NOL10: variants seen among roughly 807,000 people sequenced by gnomAD.
NOL10 encodes H_NH0074G24.1.
NOL10 carries 58 observed loss-of-function variants against 103.5 expected under a neutral mutation model. The ratio of observed to expected loss-of-function variants is 0.56; its 90% CI spans 0.45 to 0.70. The LOEUF is 0.70. Among genes scored for constraint, NOL10 ranks in the 30% least tolerant of loss-of-function variants. The pLI is 0.00. For synonymous variants in NOL10, 287 were observed against 282.5 expected, an observed-to-expected ratio of 1.02 and a Z score of -0.16; for missense variants, 763 against 807.3, an observed-to-expected ratio of 0.95 and a Z score of 0.67.
chr2:10,671,565 A>G lies in NOL10; in HGVS notation c.453T>C (p.Phe151=), dbSNP rs756911907. 1.2e-6 allele frequency: 2 copies of G among 1,605,496 alleles called. No individual in the cohort carries two copies. The highest frequency in any genetic ancestry group is 2.7e-5 in the African/African-American group (2 of 74,806). ...ACTGGATCCAATACCTTGCACCAACAAAGTACAAGTCACAGGATGGATAGT... is the reference window on the plus strand; with the variant it reads ...ACTGGATCCAATACCTTGCACCAACGAAGTACAAGTCACAGGATGGATAGT... ...SYHYPSCDLY[F]VGASSEVYRL... Residue 151 remains phenylalanine, a synonymous_variant, in exon 6 of 21, where the codon TTT becomes TTC. Coordinates refer to ENST00000381685, the MANE Select transcript of NOL10 (RefSeq NM_024894.4).
intron 13 of NOL10, among the ~76,000 whole-genome samples, chr2:10,636,766 C>T (rs1393377274): frequency 6.6e-6 from 1 of 152,034 alleles, no homozygotes; most frequent in Non-Finnish European, 1.5e-5. Flanking sequence ...GATCACATAG[C>T]GATGATTAAA....
rs1682124230 is a variant in NOL10 at position 10,685,508 on chromosome 2, GC to G, written c.67-897del. ...CTCCGTCCCCCCCCCCCCCCCCCCC[GC>G]CAAAAAAAAAGAAAAAAACAGGCTT... On this transcript the variant is annotated intron_variant, in intron 1 of 20. Transcript: ENST00000381685. Among the ~76,000 whole-genome samples, 7 of 3,924 alleles carry G rather than the reference GC, an allele frequency of 1.8e-3. No homozygotes were observed. In the South Asian group the frequency reaches 0.035, roughly 20 times the overall value. The allele number at this position is 3,924 out of a possible 152,430, so 2.6% of individuals were successfully genotyped here.
chr2:10,651,544 CTT>C (rs1679457349), intron 12 of NOL10, among the ~76,000 whole-genome samples: 1 of 151,950 alleles, frequency 6.6e-6, no homozygotes, highest in Non-Finnish European at 1.5e-5. Context: ...CGTAGAATGT[CTT>C]TTAAATCCAA....
rs1300048019 is a variant in NOL10, at chr2:10,571,620, C to G, written c.*451G>C. 1 of 153,478 alleles carries G rather than the reference C, an allele frequency of 6.5e-6. No individual in the cohort carries two copies. The highest frequency in any genetic ancestry group is 1.4e-5 in the Non-Finnish European group (1 of 69,002). 9.5% of individuals were successfully genotyped at this position (153,478 alleles called of 1,614,324 possible). On this transcript the variant is annotated 3_prime_UTR_variant, in exon 21 of 21. Coordinates refer to ENST00000381685, the MANE Select transcript of NOL10 (RefSeq NM_024894.4). ...ATCAGCATAAACTTATAAACACAAA[C>G]ACAGGCAATACACAGACACCAGGTA...
At chr2:10,583,034 T>C (rs2148149524) in intron 19 of NOL10, among the ~76,000 whole-genome samples, 2 of 152,334 alleles carry the variant, frequency 1.3e-5, no homozygotes, top group South Asian at 4.1e-4. Context: ...TACTGGCCTT[T>C]TCCCAGCCTT....
At chr2:10,611,646 T>G (rs950714988) in intron 13 of NOL10, among the ~76,000 whole-genome samples, 1 of 152,002 alleles carries the variant, frequency 6.6e-6, no homozygotes, top group Non-Finnish European at 1.5e-5. Flanking sequence ...CCAGGCACAG[T>G]GGCTCACACC....
rs927457783 is a variant in NOL10 at position 10,587,521 on chromosome 2, T to A, written c.1844+1522A>T. On this transcript the variant is annotated intron_variant, in intron 19 of 20. Transcript: ENST00000381685. ...CCTGACCTCATGATCTGCCCCCCCC[T>A]TGGCCTCCCAAAGTGCTAGGATTAC... is the stretch of plus-strand genomic sequence containing the variant. Among the ~76,000 whole-genome samples the A allele has an allele frequency of 4.6e-5, 7 of 151,132 alleles. No homozygotes were observed. In the East Asian group the frequency reaches 1.4e-3, roughly 29 times the overall value.
intron 11 of NOL10, 46 bp from the exon 12 acceptor site, chr2:10,654,593 C>T: frequency 1.6e-6 from 2 of 1,256,186 alleles, no homozygotes; most frequent in Non-Finnish European, 2.3e-6. Context: ...TAAAGAACAA[C>T]AACTTTGGCA....
intron 3 of NOL10, among the ~76,000 whole-genome samples, chr2:10,681,356 A>T (rs898526293): frequency 6.6e-6 from 1 of 152,210 alleles, no homozygotes; most frequent in African/African-American, 2.4e-5. Flanking sequence ...ACATGAAATA[A>T]GTCTCACAGA....
chr2:10,643,073 T>C lies in NOL10; in HGVS notation c.1026+1247A>G, dbSNP rs145576800. Reference sequence around the variant, plus strand: ...AAAGATGGATAAGTTGACAGGAATATGAATGCAGTATCTGCAAGAGTCCAG... The same window carrying C: ...AAAGATGGATAAGTTGACAGGAATACGAATGCAGTATCTGCAAGAGTCCAG... On this transcript the variant is annotated intron_variant, in intron 13 of 20. Transcript: ENST00000381685. Among the ~76,000 whole-genome samples, 20 of 152,332 alleles carry C rather than the reference T, an allele frequency of 1.3e-4. No individual in the cohort carries two copies. The East Asian group carries it at 2.7e-3, about 21-fold the overall frequency.
chr2:10,593,386 C>T (rs1344525409), intron 17 of NOL10, among the ~76,000 whole-genome samples: 2 of 152,092 alleles, frequency 1.3e-5, no homozygotes, highest in African/African-American at 4.8e-5. Context: ...ATTCGCCTGC[C>T]TCGGCCTTCC....
chr2:10,656,170 T>C (rs1484063504), intron 11 of NOL10, among the ~76,000 whole-genome samples: 1 of 152,208 alleles, frequency 6.6e-6, no homozygotes, highest in East Asian at 1.9e-4. Flanking sequence ...TACCAGTGTT[T>C]TATGAATTTT....
At chr2:10,613,478 C>T (rs1572290207) in intron 13 of NOL10, among the ~76,000 whole-genome samples, 2 of 152,204 alleles carry the variant, frequency 1.3e-5, no homozygotes, top group Non-Finnish European at 2.9e-5. Flanking sequence ...GATAGCTTTG[C>T]AAGGGGCACT....
intron 8 of NOL10, 46 bp from the exon 9 acceptor site, chr2:10,663,090 G>T (rs775412259): frequency 9.3e-6 from 14 of 1,508,480 alleles, no homozygotes; most frequent in Non-Finnish European, 1.3e-5. Flanking sequence ...TAGAAGGCGG[G>T]GCATGGTGGC....
At chr2:10,658,308 G>A (rs1384331823) in intron 10 of NOL10, among the ~76,000 whole-genome samples, 1 of 152,220 alleles carries the variant, frequency 6.6e-6, no homozygotes, top group East Asian at 1.9e-4. Context: ...CTTCTTGGGA[G>A]AAGGGAGAAT....
At chr2:10,630,563 T>A (rs533350892) in intron 13 of NOL10, among the ~76,000 whole-genome samples, 2 of 152,064 alleles carry the variant, frequency 1.3e-5, no homozygotes, top group Non-Finnish European at 2.9e-5. Flanking sequence ...ATACAAAAAA[T>A]TAGTCGGGCA....
At chr2:10,593,891 C>A (rs1256559194) in intron 17 of NOL10, among the ~76,000 whole-genome samples, 2 of 152,150 alleles carry the variant, frequency 1.3e-5, no homozygotes, top group African/African-American at 2.4e-5. Context: ...AGCAGGAGGA[C>A]CTGACCAGCC....
At chr2:10,675,228 G>A (rs932018115) in intron 4 of NOL10, among the ~76,000 whole-genome samples, 2 of 151,856 alleles carry the variant, frequency 1.3e-5, no homozygotes, top group Non-Finnish European at 2.9e-5. Context: ...ATAAATAAAA[G>A]AAAGAAAAGA....
At chr2:10,621,097 G>A (rs570745404) in intron 13 of NOL10, among the ~76,000 whole-genome samples, 2 of 152,232 alleles carry the variant, frequency 1.3e-5, no homozygotes, top group African/African-American at 4.8e-5. Context: ...CCTGGCCGCT[G>A]CTAATCATTT....
Sources: allele counts gnomAD v4.1 joint callset (sites outside exome capture counted in the v4.1 genomes callset), GRCh38; gene constraint gnomAD v4.1.1; transcripts MANE v1.5; gene names NCBI Gene and HGNC (gene_info 2026-07-23, HGNC 2026-07-21).